Variants in SGMS1 observed in about 807,000 individuals in gnomAD.
SGMS1 encodes the protein phosphatidylcholine:ceramide cholinephosphotransferase 1.
A neutral mutation model predicts 46.2 loss-of-function variants in SGMS1; 13 were observed. That is an observed-to-expected ratio of 0.28 (90% CI 0.18 to 0.45). The LOEUF is 0.45. Among genes scored for constraint, SGMS1 ranks in the 20% least tolerant of loss-of-function variants. The probability of loss-of-function intolerance (pLI) is 1.00; values close to 1 mark genes in which losing one functional copy is unlikely to be tolerated. For missense variants in SGMS1, 324 were observed against 519.9 expected (o/e 0.62, Z 3.66); for synonymous variants, 203 against 187.8 (o/e 1.08, Z -0.66).
intron 1 of SGMS1, among the ~76,000 whole-genome samples, chr10:50,618,491 CA>C (rs1180574220): frequency 1.3e-5 from 2 of 151,854 alleles, no homozygotes; most frequent in African/African-American, 2.4e-5. Context: ...TATGGCTAGT[CA>C]AAGAAATTAT....
At chr10:50,498,827 C>T (rs1837637758) in intron 3 of SGMS1, among the ~76,000 whole-genome samples, 1 of 152,262 alleles carries the variant, frequency 6.6e-6, no homozygotes, top group South Asian at 2.1e-4. Context: ...GGTCTAAACC[C>T]AGAAGTGGAA....
rs192919750 is a variant in SGMS1, at chr10:50,433,231, T to G, written c.-232+245A>C. On this transcript the variant is annotated intron_variant, in intron 6 of 10. Coordinates refer to ENST00000361781, the MANE Select transcript of SGMS1 (RefSeq NM_147156.4). Reference sequence around the variant, plus strand: ...GAATTCTCTTAATTCTTCAAATACTTATGCTCTGTCCACCAAATTGACACA... The same window carrying G: ...GAATTCTCTTAATTCTTCAAATACTGATGCTCTGTCCACCAAATTGACACA... 8.5e-5 allele frequency among the ~76,000 whole-genome samples: 13 copies of G among 152,328 alleles called. 1 individual carries two copies. The East Asian group carries it at 2.5e-3, about 29-fold the overall frequency.
At chr10:50,614,393 G>A (rs1003581795) in intron 1 of SGMS1, among the ~76,000 whole-genome samples, 1 of 152,142 alleles carries the variant, frequency 6.6e-6, no homozygotes, top group African/African-American at 2.4e-5. Context: ...GAGGCGGAAG[G>A]CACTTCCAAT....
intron 5 of SGMS1, among the ~76,000 whole-genome samples, chr10:50,458,339 C>CTTTTTTTTTTTTTTTTTTTTTTT (rs750349777): frequency 1.4e-4 from 14 of 97,140 alleles, no homozygotes; most frequent in Non-Finnish European, 1.9e-4. Flanking sequence ...TTCTTTTTCT[C>CTTTTTTTTTTTTTTTTTTTTTTT]TTTTTTTTTT....
At chr10:50,547,892 G>A (rs1838115217) in intron 2 of SGMS1, among the ~76,000 whole-genome samples, 1 of 152,230 alleles carries the variant, frequency 6.6e-6, no homozygotes, top group Non-Finnish European at 1.5e-5. Context: ...TTCAACATAT[G>A]CAAATCAATA....
At chr10:50,430,190 C>T (rs568075430) in intron 6 of SGMS1, among the ~76,000 whole-genome samples, 2 of 151,982 alleles carry the variant, frequency 1.3e-5, no homozygotes, top group African/African-American at 4.8e-5. Context: ...ATGAGTGCAC[C>T]ATGATGTTAC....
intron 1 of SGMS1, among the ~76,000 whole-genome samples, chr10:50,598,863 T>C (rs1487423297): frequency 6.6e-6 from 1 of 152,012 alleles, no homozygotes; most frequent in Non-Finnish European, 1.5e-5. Flanking sequence ...CAAAAGCTAT[T>C]GAGTCTAGGA....
chr10:50,592,901 T>C (rs1838555296), intron 1 of SGMS1, among the ~76,000 whole-genome samples: 1 of 116,542 alleles, frequency 8.6e-6, no homozygotes, highest in Non-Finnish European at 2.2e-5. Context: ...TTAACTGTGG[T>C]AGCCAGCCTC....
intron 2 of SGMS1, among the ~76,000 whole-genome samples, chr10:50,528,622 T>G (rs1216089782): frequency 6.6e-6 from 1 of 152,180 alleles, no homozygotes; most frequent in Non-Finnish European, 1.5e-5. Context: ...AAGCCTAGGC[T>G]GGGTGGTAGC....
rs559077761 is a variant in SGMS1 at position 50,556,909 on chromosome 10, G to A, written c.-589+33244C>T. ...AACATTTCCGAGAACTGAGACAGGA[G>A]TGTGCAGAAGAGAAGAGCCCCAATC... On this transcript the variant is annotated intron_variant, in intron 2 of 10. Transcript: ENST00000361781. Among the ~76,000 whole-genome samples the A allele has an allele frequency of 3.9e-5, 6 of 152,340 alleles. No homozygotes were observed. The South Asian group carries it at 1.2e-3, about 32-fold the overall frequency.
intron 8 of SGMS1, 62 bp from the exon 9 acceptor site, chr10:50,311,477 G>A (rs180949611): frequency 1.6e-4 from 231 of 1,444,908 alleles, no homozygotes; most frequent in Non-Finnish European, 2.8e-5. Flanking sequence ...GAAAATGTGC[G>A]AAGATTACTA....
intron 2 of SGMS1, among the ~76,000 whole-genome samples, chr10:50,585,299 C>T (rs1030489583): frequency 7.9e-5 from 12 of 152,190 alleles, no homozygotes; most frequent in Non-Finnish European, 1.8e-4. Context: ...CACTTCAAAA[C>T]TCATCCCTTC....
intron 1 of SGMS1, among the ~76,000 whole-genome samples, chr10:50,595,465 C>A (rs1413823496): frequency 1.3e-5 from 2 of 152,222 alleles, no homozygotes; most frequent in African/African-American, 4.8e-5. Flanking sequence ...GCATGAGCCA[C>A]CATGCCCAGC....
intron 6 of SGMS1, among the ~76,000 whole-genome samples, chr10:50,357,074 T>TAA (rs1273618698): frequency 3.0e-5 from 4 of 133,482 alleles, no homozygotes; most frequent in African/African-American, 8.3e-5. Context: ...TAAAGTATAA[T>TAA]AAAAAAAAAA....
chr10:50,332,141 T>C lies in SGMS1; in HGVS notation c.624-4819A>G, dbSNP rs149334401. The stretch of plus-strand genomic sequence containing the variant: ...CTTTTCCCAAGACCCTGAGGCCCTA[T>C]ATCTGGCTACCTCCCTCTAGCCTGC... On this transcript the variant is annotated intron_variant, in intron 7 of 10. Coordinates refer to ENST00000361781, the MANE Select transcript of SGMS1 (RefSeq NM_147156.4). 1.6e-3 allele frequency among the ~76,000 whole-genome samples: 245 copies of C among 152,328 alleles called. 1 individual carries two copies. The highest frequency in any genetic ancestry group is 5.3e-3 in the African/African-American group (220 of 41,572).
rs184507316 is a variant in SGMS1 at position 50,491,334 on chromosome 10, C to T, written c.-497-24402G>A. 3.1e-3 allele frequency among the ~76,000 whole-genome samples: 477 copies of T among 152,258 alleles called. 3 individuals are homozygous for T. Among genetic ancestry groups the T allele is most frequent in the African/African-American group, 0.011 (443 of 41,536 alleles). On this transcript the variant is annotated intron_variant, in intron 3 of 10. Coordinates refer to ENST00000361781, the MANE Select transcript of SGMS1 (RefSeq NM_147156.4). ...TATCACTGTACTCTAGCCTGGGTGA[C>T]AGAGTGAAACCTTTTCTCTTAAAAA... is the stretch of plus-strand genomic sequence containing the variant.
chr10:50,618,315 A>G (rs1276784411), intron 1 of SGMS1, among the ~76,000 whole-genome samples: 1 of 152,152 alleles, frequency 6.6e-6, no homozygotes, highest in Non-Finnish European at 1.5e-5. Flanking sequence ...AATATCTTAT[A>G]CTCTTAAAGT....
chr10:50,583,423 C>T (rs955975969), intron 2 of SGMS1, among the ~76,000 whole-genome samples: 1 of 152,190 alleles, frequency 6.6e-6, no homozygotes. Context: ...CATGCTTCAC[C>T]TTCTGCAGAA....
rs542122199 is a variant in SGMS1, at chr10:50,440,664, G to A, written c.-312-7108C>T. Reference sequence around the variant, plus strand: ...GTTGCTCAGGCTGGGGTGCAGTGGCGCAATCATTGCTTGCTGCAGCCACGA... The same window carrying A: ...GTTGCTCAGGCTGGGGTGCAGTGGCACAATCATTGCTTGCTGCAGCCACGA... On this transcript the variant is annotated intron_variant, in intron 5 of 10. Transcript: ENST00000361781. Among the ~76,000 whole-genome samples, 4 of 152,250 alleles carry A rather than the reference G, an allele frequency of 2.6e-5. No homozygotes were observed. The South Asian group carries it at 6.2e-4, about 24-fold the overall frequency.
Sources: gnomAD v4.1 joint callset for allele counts (sites outside exome capture counted in the v4.1 genomes callset) on GRCh38, gnomAD v4.1.1 for gene constraint, MANE v1.5 for transcripts, NCBI Gene and HGNC (gene_info 2026-07-23, HGNC 2026-07-21) for gene names.